TCHP: variants seen among roughly 807,000 people sequenced by gnomAD.
TCHP encodes the protein trichoplein keratin filament binding.
A neutral mutation model predicts 88.7 loss-of-function variants in TCHP; 81 were observed. The ratio of observed to expected loss-of-function variants is 0.91; its 90% CI spans 0.76 to 1.10. The LOEUF is 1.10. TCHP is among the 50% of genes least tolerant of loss of function. The pLI, the probability that TCHP is intolerant of heterozygous loss-of-function variation, is 0.00. For missense variants in TCHP, 641 were observed against 632.1 expected, an observed-to-expected ratio of 1.01 and a Z score of -0.15; for synonymous variants, 232 against 232.5, an observed-to-expected ratio of 1.00 and a Z score of 0.02.
chr12:109,917,798 G>A lies in TCHP; in HGVS notation c.*1175G>A, dbSNP rs1052750947. On this transcript the variant is annotated 3_prime_UTR_variant, in exon 13 of 13. Coordinates refer to ENST00000405876, the MANE Select transcript of TCHP (RefSeq NM_001143852.2). ...ATTATGTTCAAGATTCCATATCTCC[G>A]TAAATTACAGCTAATTACAGGGCAT... 4.6e-5 allele frequency: 7 copies of A among 152,506 alleles called. No homozygotes were observed. The highest frequency in any genetic ancestry group is 1.9e-4 in the East Asian group (1 of 5,196). The allele number at this position is 152,506 out of a possible 1,614,324, so 9.4% of individuals were successfully genotyped here.
Position 109,913,047 on chromosome 12 carries a change from GC to G in TCHP, c.1110del (p.Ser370ArgfsTer6). On this transcript the variant is annotated frameshift_variant, in exon 10 of 13. Coordinates refer to ENST00000405876, the MANE Select transcript of TCHP (RefSeq NM_001143852.2). LOFTEE classifies it high-confidence loss of function. ...KREAEWARER[S>X]ARDRLMSEVL... is the part of the protein sequence containing the mutation. Reference sequence around the variant, plus strand: ...GAGGCAGAGTGGGCCCGAGAGCGCAGCGCACGGGACAGACTGATGAGCGAGG... The same window carrying G: ...GAGGCAGAGTGGGCCCGAGAGCGCAGGCACGGGACAGACTGATGAGCGAGG... The G allele has an allele frequency of 1.2e-6, 2 of 1,613,934 alleles. No individual in the cohort carries two copies. Among genetic ancestry groups the G allele is most frequent in the Admixed American group, 3.3e-5 (2 of 60,012 alleles).
chr12:109,916,822 C>T lies in TCHP; in HGVS notation c.*199C>T, dbSNP rs1870847173. 1.7e-6 allele frequency: 1 copy of T among 580,298 alleles called. No individual in the cohort carries two copies. 35.9% of individuals were successfully genotyped at this position (580,298 alleles called of 1,614,324 possible). A position where few individuals can be genotyped will look rare whatever the true frequency, so the allele number is the denominator to read the frequency against. On this transcript the variant is annotated 3_prime_UTR_variant, in exon 13 of 13. Transcript: ENST00000405876. The stretch of plus-strand genomic sequence containing the variant: ...GGTGTCGTGAGAGTCCCTTTCATGC[C>T]TTTCTTACCCAAGCAAGGGTCTTTG...
At chr12:109,910,945 C>T (rs1870446664) in intron 8 of TCHP, 118 bp from the exon 9 acceptor site, 1 of 1,365,930 alleles carries the variant, frequency 7.3e-7, no homozygotes, top group Non-Finnish European at 9.5e-7. Flanking sequence ...CTTGAGAACA[C>T]TGTGTAGAAT....
chr12:109,915,652 C>A, intron 12 of TCHP, 106 bp downstream of exon 12: 1 of 1,310,578 alleles, frequency 7.6e-7, no homozygotes, highest in Non-Finnish European at 1.0e-6. Flanking sequence ...TGCTCTCCGG[C>A]CGTCCGGGTT....
intron 3 of TCHP, among the ~76,000 whole-genome samples, chr12:109,904,520 A>C (rs1228870244): frequency 6.6e-6 from 1 of 152,042 alleles, no homozygotes; most frequent in African/African-American, 2.4e-5. Flanking sequence ...GTAGCATCAG[A>C]TTTTGGCCCC....
intron 11 of TCHP, 112 bp from the exon 12 acceptor site, chr12:109,915,289 GCT>G (rs1174089779): frequency 1.2e-5 from 18 of 1,454,602 alleles, no homozygotes; most frequent in Non-Finnish European, 1.7e-5. Flanking sequence ...CATTGCTGTT[GCT>G]CAGCTGGATT....
At chr12:109,906,534 T>A (rs2271318) in intron 4 of TCHP, 38 bp from the exon 5 acceptor site, 1 of 1,604,152 alleles carries the variant, frequency 6.2e-7, no homozygotes, top group African/African-American at 1.3e-5. Context: ...CCCATCTGTC[T>A]GGTGAGGAAA....
chr12:109,917,008 AT>A lies in TCHP; in HGVS notation c.*386del, dbSNP rs1359028562. ...TCAACCTCCAGTGTTGACTCTAGAA[AT>A]ATGAGGAAAGCTTTTCAGTTTTTAA... On this transcript the variant is annotated 3_prime_UTR_variant, in exon 13 of 13. Transcript: ENST00000405876. The A allele has an allele frequency of 1.1e-5, 2 of 184,496 alleles. No homozygotes were observed. The highest frequency in any genetic ancestry group is 1.4e-4 in the East Asian group (1 of 7,266). 11.4% of individuals were successfully genotyped at this position (184,496 alleles called of 1,614,324 possible).
chr12:109,907,133 C>T (rs553646867), intron 5 of TCHP, among the ~76,000 whole-genome samples: 1 of 152,316 alleles, frequency 6.6e-6, no homozygotes, highest in South Asian at 2.1e-4. Context: ...AACGATTCTC[C>T]CACCTCGGCC....
the TCHP span, among the ~76,000 whole-genome samples, chr12:109,894,801 G>A: frequency 6.7e-6 from 1 of 150,266 alleles, no homozygotes; most frequent in Non-Finnish European, 1.5e-5. Context: ...CTTTGTTGGA[G>A]TCCAGGGCAT....
At position 109,904,754 on chromosome 12, in the gene TCHP, G is replaced by A. The variant is rs1246235497; in HGVS notation, c.417G>A (p.Leu139=). ...EQRKLIAEQL[L]YEHWKKNNPK... ...CTTGATAGATTGCTGAACAACTTTT[G>A]TACGAACACTGGAAAAAGAACAACC... The change falls in exon 4 of 13, where the codon TTG becomes TTA. Residue 139 remains leucine (L), a synonymous_variant. Transcript: ENST00000405876. 1.2e-6 allele frequency: 2 copies of A among 1,613,402 alleles called. No homozygotes were observed. The highest frequency in any genetic ancestry group is 1.3e-5 in the African/African-American group (1 of 75,030).
At chr12:109,906,099 A>G (rs887880442) in intron 4 of TCHP, among the ~76,000 whole-genome samples, 3 of 152,176 alleles carry the variant, frequency 2.0e-5, no homozygotes, top group Non-Finnish European at 4.4e-5. Context: ...CTTACTAACA[A>G]TGCTAAACTT....
Position 109,914,615 on chromosome 12 carries a change from G to A in TCHP, c.1308G>A (p.Glu436=). The A allele has an allele frequency of 6.2e-7, 1 of 1,611,302 alleles. No homozygotes were observed. Among genetic ancestry groups the A allele is most frequent in the South Asian group, 1.1e-5 (1 of 90,764 alleles). The change falls in exon 11 of 13, where the codon GAG becomes GAA. Residue 436 remains glutamate (E), a synonymous_variant. Transcript: ENST00000405876. ...SEKLKSARKQ[E]LEAQVAERRL... ...AGCTGAAATCGGCCAGGAAGCAGGA[G>A]CTGGAAGCCCAGGTAGGGCTGAGCC...
Position 109,903,942 on chromosome 12 carries a change from A to T in TCHP, c.194A>T (p.His65Leu), listed in dbSNP as rs1446957775. ...SSKTSYQRSM[H>L]AYQREKMKEE... ...GCAGGCCCCCTCTCACCCAGCATGC[A>T]TGCCTATCAGCGGGAGAAGATGAAG... Residue 65 changes from histidine to leucine, a missense_variant, in exon 3 of 13, where the codon CAT becomes CTT. Transcript: ENST00000405876. The surrounding 1 kb of genome is among the most constrained non-coding windows in gnomAD (Gnocchi z 4.6). The T allele has an allele frequency of 4.4e-6, 7 of 1,605,708 alleles. No individual in the cohort carries two copies. Among genetic ancestry groups the T allele is most frequent in the Non-Finnish European group, 5.9e-6 (7 of 1,176,872 alleles).
chr12:109,914,437 G>A lies in TCHP; in HGVS notation c.1135-5G>A, dbSNP rs1480320850. The stretch of plus-strand genomic sequence containing the variant: ...AAGCTGCCCTTTTCTTTCTGCTGAG[G>A]TTAGGTTCTGACAGGGAGACAACAG... On this transcript the variant is annotated splice_polypyrimidine_tract_variant and splice_region_variant and intron_variant, in intron 10 of 12. Coordinates refer to ENST00000405876, the MANE Select transcript of TCHP (RefSeq NM_001143852.2). The A allele has an allele frequency of 5.6e-6, 9 of 1,608,968 alleles. No homozygotes were observed. The South Asian group carries it at 6.6e-5, about 12-fold the overall frequency.
rs763438715 is a variant in TCHP at position 109,906,629 on chromosome 12, GA to G, written c.522del (p.Lys174AsnfsTer26). Reference protein sequence around the residue: ...VVNSWEMQKEEKKQQEATAEQ... With the variant: ...VVNSWEMQKEXKKQQEATAEQ... ...AAACTCTTGGGAAATGCAGAAAGAA[GA>G]AAAAAAACAGGTGTGGTATGTGGCT... is the stretch of plus-strand genomic sequence containing the variant. On this transcript the variant is annotated frameshift_variant, in exon 5 of 13. Coordinates refer to ENST00000405876, the MANE Select transcript of TCHP (RefSeq NM_001143852.2). LOFTEE classifies it high-confidence loss of function. 6 of 1,607,444 alleles carry G rather than the reference GA, an allele frequency of 3.7e-6. No homozygotes were observed. The highest frequency in any genetic ancestry group is 2.5e-6 in the Non-Finnish European group (3 of 1,179,256).
At chr12:109,884,486 C>A in the TCHP span, among the ~76,000 whole-genome samples, 1 of 152,142 alleles carries the variant, frequency 6.6e-6, no homozygotes, top group African/African-American at 2.4e-5. Context: ...CTGCACCCGG[C>A]CGAATCCATC....
intron 5 of TCHP, 23 bp from the exon 6 acceptor site, chr12:109,907,503 T>C: frequency 6.2e-7 from 1 of 1,612,248 alleles, no homozygotes; most frequent in South Asian, 1.1e-5. Context: ...GATATTGACC[T>C]GTGTTCATTT....
At chr12:109,884,289 C>T in the TCHP span, among the ~76,000 whole-genome samples, 1 of 151,942 alleles carries the variant, frequency 6.6e-6, no homozygotes, top group South Asian at 2.1e-4. Flanking sequence ...TCCGGGTTCA[C>T]GCCATTCTCC....
Sources: gnomAD v4.1 joint callset for allele counts (sites outside exome capture counted in the v4.1 genomes callset) on GRCh38, gnomAD v4.1.1 for gene constraint, Gnocchi (gnomAD v3.1) non-coding constraint, MANE v1.5 for transcripts, NCBI Gene and HGNC (gene_info 2026-07-23, HGNC 2026-07-21) for gene names.